The following NUP205 variants were observed in gnomAD, a reference collection of about 807,000 sequenced individuals.
NUP205 encodes nucleoporin 205.
A neutral mutation model predicts 253.8 loss-of-function variants in NUP205; 76 were observed. The observed-to-expected ratio is 0.30, with a 90% CI of 0.25 to 0.36. The LOEUF (loss-of-function observed/expected upper bound fraction) is 0.36. Ranked by LOEUF, NUP205 falls within the 10% of genes least tolerant of loss-of-function variation. The pLI, the probability that NUP205 is intolerant of heterozygous loss-of-function variation, is 1.00. For missense variants in NUP205, 2,162 were observed against 2,425.5 expected, an observed-to-expected ratio of 0.89 and a Z score of 2.28; for synonymous variants, 832 against 850.1, an observed-to-expected ratio of 0.98 and a Z score of 0.37.
At chr7:135,570,136 C>G (rs1247796098) in intron 1 of NUP205, among the ~76,000 whole-genome samples, 5 of 149,724 alleles carry the variant, frequency 3.3e-5, no homozygotes. Context: ...TTCCAGTAGA[C>G]ATAGCTAATG....
chr7:135,628,004 A>C lies in NUP205; in HGVS notation c.4825A>C (p.Ile1609Leu), dbSNP rs1794631001. The C allele has an allele frequency of 3.1e-6, 5 of 1,611,614 alleles. No individual in the cohort carries two copies. The highest frequency in any genetic ancestry group is 4.2e-6 in the Non-Finnish European group (5 of 1,179,476). ...TGGCATGAGAGACCCTCCAATGTTC[A>C]TCCCTACCCCAGTGGATCGCTACCG... The part of the protein sequence containing the change: ...MFGMRDPPMF[I>L]PTPVDRYRQI... The change falls in exon 34 of 43, where the codon ATC becomes CTC. Residue 1609 changes from isoleucine (I) to leucine (L), a missense_variant. Ile to Leu is a conservative substitution (Grantham distance 5). This residue lies in a region of NUP205 where 1,144 missense variants were observed against 1,280.9 expected (regional missense o/e 0.89). Transcript: ENST00000285968.
At chr7:135,604,526 C>T in intron 19 of NUP205, 66 bp downstream of exon 19, 1 of 1,437,178 alleles carries the variant, frequency 7.0e-7, no homozygotes, top group Non-Finnish European at 9.5e-7. Context: ...TATGGAAGTT[C>T]TAGTGTCTAT....
At chr7:135,615,025 A>G (rs183226462) in intron 23 of NUP205, among the ~76,000 whole-genome samples, 6 of 152,212 alleles carry the variant, frequency 3.9e-5, no homozygotes, top group Admixed American at 3.3e-4. Context: ...TTTTCACTCT[A>G]TTTTCATAAG....
chr7:135,558,165 G>A, intron 1 of NUP205, 193 bp downstream of exon 1: 3 of 618,402 alleles, frequency 4.9e-6, no homozygotes, highest in East Asian at 5.7e-5. Context: ...TCCAGCCCTC[G>A]AGTTGGGGTT....
chr7:135,603,051 A>T, intron 18 of NUP205, 57 bp downstream of exon 18: 11 of 1,292,670 alleles, frequency 8.5e-6, no homozygotes, highest in South Asian at 4.5e-5. Flanking sequence ...TCTAGCTTTG[A>T]TTTTCAAATC....
chr7:135,601,576 T>C (rs1483557264), intron 17 of NUP205, 69 bp downstream of exon 17: 5 of 1,495,306 alleles, frequency 3.3e-6, no homozygotes, highest in Admixed American at 4.1e-5. Flanking sequence ...AACTGAGAAT[T>C]TGAAATAGAT....
At position 135,601,419 on chromosome 7, in the gene NUP205, T is replaced by A; in HGVS notation, c.2424T>A (p.His808Gln). Residue 808 changes from histidine (H) to glutamine (Q), a missense_variant, in exon 17 of 43, where the codon CAT (histidine) becomes CAA (glutamine). Around this residue, in one of 5 missense-constraint regions of NUP205, gnomAD observed 892 missense variants for 957.1 expected, o/e 0.93. Coordinates refer to ENST00000285968, the MANE Select transcript of NUP205 (RefSeq NM_015135.3). The stretch of plus-strand genomic sequence containing the variant: ...CACCTGGATTTAGTCTGATGTATCA[T>A]CTGCTGAATGAGTCACCAATGTTGG... The part of the protein sequence containing the change: ...YKPPGFSLMY[H>Q]LLNESPMLEL... 4 of 1,613,874 alleles carry A rather than the reference T, an allele frequency of 2.5e-6. No homozygotes were observed. Among genetic ancestry groups the A allele is most frequent in the Non-Finnish European group, 3.4e-6 (4 of 1,179,780 alleles).
At chr7:135,605,447 C>G (rs1446106753) in intron 19 of NUP205, among the ~76,000 whole-genome samples, 3 of 152,104 alleles carry the variant, frequency 2.0e-5, no homozygotes, top group African/African-American at 7.2e-5. Flanking sequence ...CTTTAGCATC[C>G]CTAGATACCA....
At chr7:135,574,706 T>A (rs2129489804) in intron 3 of NUP205, among the ~76,000 whole-genome samples, 1 of 152,340 alleles carries the variant, frequency 6.6e-6, no homozygotes, top group East Asian at 1.9e-4. Context: ...TAGAAAGTTG[T>A]TGATGAGGGC....
rs556648331 is a variant in NUP205, at chr7:135,598,160, G to T, written c.2227G>T (p.Val743Leu). The T allele has an allele frequency of 6.2e-7, 1 of 1,614,102 alleles. No homozygotes were observed. The highest frequency in any genetic ancestry group is 1.7e-5 in the Admixed American group (1 of 60,010). ...TTATTTGCAGTTCCTTAGAGACTCTGTGTTTCTACGATTCCGTACAAGAGC... is the reference window on the plus strand; with the variant it reads ...TTATTTGCAGTTCCTTAGAGACTCTTTGTTTCTACGATTCCGTACAAGAGC... ...DPYLQFLRDS[V>L]FLRFRTRAYR... The change falls in exon 15 of 43, where the codon GTG (valine) becomes TTG (leucine). Residue 743 changes from valine (V) to leucine (L), a missense_variant. Coordinates refer to ENST00000285968, the MANE Select transcript of NUP205 (RefSeq NM_015135.3).
At chr7:135,586,371 A>G (rs568233604) in intron 8 of NUP205, among the ~76,000 whole-genome samples, 3 of 152,240 alleles carry the variant, frequency 2.0e-5, no homozygotes, top group African/African-American at 7.2e-5. Context: ...TGATCTTTCC[A>G]GTGAATTAGC....
chr7:135,599,547 A>G (rs1353374476), intron 15 of NUP205, among the ~76,000 whole-genome samples: 1 of 152,206 alleles, frequency 6.6e-6, no homozygotes, highest in Non-Finnish European at 1.5e-5. Flanking sequence ...TACAGCACTC[A>G]TTTCATCAAA....
At chr7:135,645,921 A>G in intron 41 of NUP205, 1 of 579,866 alleles carries the variant, frequency 1.7e-6, no homozygotes, top group Non-Finnish European at 3.0e-6. Context: ...TCTGTGACTG[A>G]TGGCCATATA....
Position 135,591,442 on chromosome 7 carries a change from T to C in NUP205, c.1474-8T>C. On this transcript the variant is annotated splice_region_variant and splice_polypyrimidine_tract_variant and intron_variant, in intron 10 of 42. Coordinates refer to ENST00000285968, the MANE Select transcript of NUP205 (RefSeq NM_015135.3). ...ATTATATAAACCATTTGTTTCTCTC[T>C]TTTTCAGGTTGTCTTGTCAAAGTTT... The C allele has an allele frequency of 6.2e-7, 1 of 1,612,984 alleles. No homozygotes were observed. The highest frequency in any genetic ancestry group is 8.5e-7 in the Non-Finnish European group (1 of 1,179,036).
intron 21 of NUP205, 28 bp from the exon 22 acceptor site, chr7:135,607,219 A>G (rs769031981): frequency 1.3e-6 from 2 of 1,594,824 alleles, no homozygotes; most frequent in South Asian, 2.3e-5. Flanking sequence ...CTAAAAGAAA[A>G]GTTGAATTTC....
chr7:135,646,120 C>T lies in NUP205; in HGVS notation c.5813-38C>T, dbSNP rs192060867. 1.2e-4 allele frequency: 166 copies of T among 1,384,920 alleles called. No homozygotes were observed. The East Asian group carries it at 3.5e-3, about 29-fold the overall frequency. 85.8% of individuals were successfully genotyped at this position (1,384,920 alleles called of 1,614,324 possible). On this transcript the variant is annotated intron_variant, in intron 41 of 42. Transcript: ENST00000285968. ...TCCTCCACTGTGTGGTAGATAGGTA[C>T]TTGCACAGCCGGTATGACTCTGTTT... is the stretch of plus-strand genomic sequence containing the variant.
intron 22 of NUP205, among the ~76,000 whole-genome samples, chr7:135,612,928 T>A (rs898896633): frequency 2.0e-5 from 3 of 152,056 alleles, no homozygotes; most frequent in Non-Finnish European, 4.4e-5. Flanking sequence ...CTAATAAATG[T>A]TCATATTAGC....
intron 12 of NUP205, among the ~76,000 whole-genome samples, chr7:135,594,200 T>C (rs980854195): frequency 1.3e-4 from 20 of 152,186 alleles, no homozygotes; most frequent in Admixed American, 1.3e-3. Context: ...TCATCCATAC[T>C]TTATATTGCA....
At chr7:135,599,043 A>G (rs1793909611) in intron 15 of NUP205, 1 of 152,212 alleles carries the variant, frequency 6.6e-6, no homozygotes, top group African/African-American at 2.4e-5. Context: ...ATCTGAAAAA[A>G]ACAAGTGTAT....
Sources: allele counts gnomAD v4.1 joint callset (sites outside exome capture counted in the v4.1 genomes callset), GRCh38; gene constraint gnomAD v4.1.1; regional missense constraint gnomAD v4.1.1; transcripts MANE v1.5; gene names NCBI Gene and HGNC (gene_info 2026-07-23, HGNC 2026-07-21).